PSMD11: variants seen among roughly 807,000 people sequenced by gnomAD.
The protein encoded by PSMD11 is 26S proteasome non-ATPase regulatory subunit 11.
PSMD11 carries 5 observed loss-of-function variants against 62.3 expected under a neutral mutation model. The observed-to-expected ratio is 0.08, with a 90% CI of 0.04 to 0.17. The LOEUF (loss-of-function observed/expected upper bound fraction) is 0.17. Ranked by LOEUF, PSMD11 falls within the 10% of genes least tolerant of loss-of-function variation. PSMD11 has a pLI of 1.00. For synonymous variants in PSMD11, 191 were observed against 191.8 expected, an observed-to-expected ratio of 1.00 and a Z score of 0.03; for missense variants, 310 against 512.9, an observed-to-expected ratio of 0.60 and a Z score of 3.82.
At chr17:32,462,190 A>G (rs896099994) in intron 3 of PSMD11, among the ~76,000 whole-genome samples, 1 of 152,204 alleles carries the variant, frequency 6.6e-6, no homozygotes, top group African/African-American at 2.4e-5. Flanking sequence ...AAACTTACAG[A>G]GGAATATTTC....
rs147505540 is a variant in PSMD11 at position 32,460,600 on chromosome 17, T to C, written c.319-3449T>C. Among the ~76,000 whole-genome samples, 866 of 152,022 alleles carry C rather than the reference T, an allele frequency of 5.7e-3. 9 individuals are homozygous for C. The highest frequency in any genetic ancestry group is 0.019 in the African/African-American group (768 of 41,464). On this transcript the variant is annotated intron_variant, in intron 3 of 13. Coordinates refer to ENST00000261712, the MANE Select transcript of PSMD11 (RefSeq NM_002815.4). ...TATCCTGGCTAACACGGTGAAACCTTGTCTCTACTAAAAATACAAAAAATT... is the reference window on the plus strand; with the variant it reads ...TATCCTGGCTAACACGGTGAAACCTCGTCTCTACTAAAAATACAAAAAATT...
chr17:32,447,609 G>A (rs1907367979), intron 2 of PSMD11, among the ~76,000 whole-genome samples: 1 of 152,334 alleles, frequency 6.6e-6, no homozygotes, highest in Non-Finnish European at 1.5e-5. Context: ...CTGATGATGG[G>A]TGTGTCCTTG....
chr17:32,477,689 A>C, intron 9 of PSMD11, 106 bp downstream of exon 9: 1 of 1,061,130 alleles, frequency 9.4e-7, no homozygotes, highest in South Asian at 1.6e-5. Flanking sequence ...AGAAGTTGCA[A>C]ATGATTCCAT....
intron 5 of PSMD11, 76 bp downstream of exon 5, chr17:32,464,654 T>C: frequency 9.0e-7 from 1 of 1,113,838 alleles, no homozygotes; most frequent in African/African-American, 1.6e-5. Flanking sequence ...TCTTACTAAT[T>C]ACCTGTTAAT....
chr17:32,472,076 T>TA (rs1908179544), intron 6 of PSMD11, among the ~76,000 whole-genome samples: 1 of 152,074 alleles, frequency 6.6e-6, no homozygotes, highest in Non-Finnish European at 1.5e-5. Flanking sequence ...CCCTGTTGCC[T>TA]AGGCTGGTCT....
chr17:32,446,292 C>T (rs999275194), intron 1 of PSMD11, among the ~76,000 whole-genome samples: 1 of 152,198 alleles, frequency 6.6e-6, no homozygotes, highest in Non-Finnish European at 1.5e-5. Flanking sequence ...TAGTTATTAA[C>T]TGTTGAAAAT....
At position 32,479,252 on chromosome 17, in the gene PSMD11, C is replaced by T. The variant is rs1252278619; in HGVS notation, c.914C>T (p.Ala305Val). The T allele has an allele frequency of 1.2e-6, 2 of 1,613,846 alleles. No homozygotes were observed. Among genetic ancestry groups the T allele is most frequent in the Non-Finnish European group, 1.7e-6 (2 of 1,179,842 alleles). Residue 305 changes from alanine to valine, a missense_variant and splice_region_variant, in exon 10 of 14, where the codon GCT (alanine) becomes GTT (valine). Physicochemically the swap from Ala to Val is moderately conservative, Grantham distance 64. Transcript: ENST00000261712. ...CTCTGCAACTGGTTCCTTTGGCAGG[C>T]TCTGACAGATTACCGGGCAGAGCTC... is the stretch of plus-strand genomic sequence containing the variant. ...KNRSLADFEK[A>V]LTDYRAELRD...
At chr17:32,479,576 C>T in intron 10 of PSMD11, 200 bp downstream of exon 10, 2 of 794,314 alleles carry the variant, frequency 2.5e-6, no homozygotes, top group Non-Finnish European at 2.0e-6. Flanking sequence ...TGGGTTGCCC[C>T]TGCATGTGTT....
At chr17:32,463,850 A>C (rs1907914610) in intron 3 of PSMD11, among the ~76,000 whole-genome samples, 199 bp from the exon 4 acceptor site, 1 of 152,212 alleles carries the variant, frequency 6.6e-6, no homozygotes, top group Non-Finnish European at 1.5e-5. Flanking sequence ...ATCTAAGCAC[A>C]AAAATATTTT....
intron 1 of PSMD11, among the ~76,000 whole-genome samples, chr17:32,446,449 C>T (rs1907334236): frequency 6.6e-6 from 1 of 152,188 alleles, no homozygotes; most frequent in Admixed American, 6.5e-5. Flanking sequence ...CTAACACACC[C>T]ATCAGCTGAG....
intron 3 of PSMD11, among the ~76,000 whole-genome samples, chr17:32,455,396 T>C (rs961058634): frequency 2.6e-5 from 4 of 152,214 alleles, no homozygotes; most frequent in African/African-American, 9.6e-5. Flanking sequence ...GTCACTGTTG[T>C]CATGAGGATT....
rs1454293944 is a variant in PSMD11 at position 32,479,436 on chromosome 17, T to C, written c.1038+60T>C. The C allele has an allele frequency of 1.9e-6, 3 of 1,584,602 alleles. No individual in the cohort carries two copies. The South Asian group carries it at 3.5e-5, about 18-fold the overall frequency. On this transcript the variant is annotated intron_variant, in intron 10 of 13. Transcript: ENST00000261712. ...GCATTCTCACTGTAGCCACCTCCCT[T>C]CCACACCTGTCCAGAATGGGAACTC...
intron 7 of PSMD11, among the ~76,000 whole-genome samples, chr17:32,474,524 T>C (rs1597842214): frequency 1.3e-5 from 2 of 152,190 alleles, no homozygotes; most frequent in East Asian, 3.9e-4. Context: ...TTGCTTTTGG[T>C]AGGTTCAGTT....
At chr17:32,474,195 C>T in intron 7 of PSMD11, 1 of 534,886 alleles carries the variant, frequency 1.9e-6, no homozygotes, top group Non-Finnish European at 3.3e-6. Flanking sequence ...TTCTCCTCAT[C>T]CTTTAAATAT....
At chr17:32,479,798 T>C in intron 10 of PSMD11, 53 bp from the exon 11 acceptor site, 7 of 1,571,144 alleles carry the variant, frequency 4.5e-6, no homozygotes, top group Non-Finnish European at 5.3e-6. Flanking sequence ...CTTCTCTTAT[T>C]GGAGGCAAAA....
chr17:32,467,156 C>G (rs1025803696), intron 5 of PSMD11, among the ~76,000 whole-genome samples: 2 of 151,708 alleles, frequency 1.3e-5, no homozygotes, highest in Non-Finnish European at 2.9e-5. Flanking sequence ...TGTTGGCCAG[C>G]CTGGTCTCGA....
At chr17:32,447,853 A>G (rs1306283296) in intron 2 of PSMD11, among the ~76,000 whole-genome samples, 1 of 151,694 alleles carries the variant, frequency 6.6e-6, no homozygotes, top group Non-Finnish European at 1.5e-5. Flanking sequence ...AACTTCTTCA[A>G]CTTGAGAACT....
intron 3 of PSMD11, 63 bp from the exon 4 acceptor site, chr17:32,463,986 A>C (rs1907918174): frequency 6.8e-7 from 1 of 1,471,106 alleles, no homozygotes; most frequent in Non-Finnish European, 9.5e-7. Flanking sequence ...TGTTCTCCAA[A>C]GCATGGTTTG....
At chr17:32,468,133 G>T (rs543802517) in intron 5 of PSMD11, among the ~76,000 whole-genome samples, 76 of 152,086 alleles carry the variant, frequency 5.0e-4, no homozygotes, top group Non-Finnish European at 8.4e-4. Flanking sequence ...ACGTGATCTC[G>T]TTCTTTTTTA....
Sources: gnomAD v4.1 joint callset for allele counts (sites outside exome capture counted in the v4.1 genomes callset) on GRCh38, gnomAD v4.1.1 for gene constraint, MANE v1.5 for transcripts, NCBI Gene and HGNC (gene_info 2026-07-23, HGNC 2026-07-21) for gene names.